Variants in CCBE1 observed in about 807,000 individuals in gnomAD.
The protein encoded by CCBE1 is collagen and calcium binding EGF domains 1, also known as collagen and calcium-binding EGF domain-containing protein 1.
In CCBE1, 37 loss-of-function variants were observed where a neutral mutation model predicts 50.0. That is an observed-to-expected ratio of 0.74 (90% CI 0.57 to 0.97). The LOEUF (loss-of-function observed/expected upper bound fraction) is 0.97. Ranked by LOEUF, CCBE1 falls within the 50% of genes least tolerant of loss-of-function variation. The pLI is 0.00. For missense variants in CCBE1, 538 were observed against 523.8 expected (o/e 1.03, Z -0.26); for synonymous variants, 234 against 203.7 (o/e 1.15, Z -1.27).
chr18:59,696,893 T>C (rs992342775), intron 1 of CCBE1, among the ~76,000 whole-genome samples, 184 bp from the exon 2 acceptor site: 7 of 151,820 alleles, frequency 4.6e-5, no homozygotes, highest in African/African-American at 1.2e-4. Context: ...CACGCGAGGG[T>C]CACGACGAAG....
intron 2 of CCBE1, among the ~76,000 whole-genome samples, chr18:59,649,471 G>A (rs1183770545): frequency 6.6e-6 from 1 of 152,180 alleles, no homozygotes; most frequent in African/African-American, 2.4e-5. Flanking sequence ...AATGATAGCA[G>A]CTCTTGTTAA....
At chr18:59,441,100 G>A (rs1217488556) in intron 7 of CCBE1, among the ~76,000 whole-genome samples, 1 of 152,224 alleles carries the variant, frequency 6.6e-6, no homozygotes, top group Non-Finnish European at 1.5e-5. Flanking sequence ...AGCTTCCCAT[G>A]GCAGTGGCCT....
At chr18:59,444,901 C>T (rs970509405) in intron 7 of CCBE1, among the ~76,000 whole-genome samples, 7 of 151,932 alleles carry the variant, frequency 4.6e-5, no homozygotes, top group Non-Finnish European at 8.8e-5. Flanking sequence ...TAATCAGGTG[C>T]TTTTTTGTTG....
chr18:59,448,692 C>G (rs903327878), intron 6 of CCBE1, among the ~76,000 whole-genome samples: 1 of 152,232 alleles, frequency 6.6e-6, no homozygotes, highest in African/African-American at 2.4e-5. Context: ...CCTTAATAAA[C>G]TCCCTTTCAT....
chr18:59,682,470 A>G (rs934532891), intron 2 of CCBE1, among the ~76,000 whole-genome samples: 1 of 152,234 alleles, frequency 6.6e-6, no homozygotes, highest in African/African-American at 2.4e-5. Context: ...CAAGTATATC[A>G]AGATTAAAAT....
intron 2 of CCBE1, among the ~76,000 whole-genome samples, chr18:59,628,115 G>A (rs1163179334): frequency 6.6e-6 from 1 of 152,158 alleles, no homozygotes; most frequent in Non-Finnish European, 1.5e-5. Context: ...TCGGGAGGCT[G>A]AGGTGGGAGA....
At chr18:59,623,030 G>C (rs1326089487) in intron 2 of CCBE1, among the ~76,000 whole-genome samples, 1 of 152,084 alleles carries the variant, frequency 6.6e-6, no homozygotes, top group Non-Finnish European at 1.5e-5. Flanking sequence ...GGGTAATAAT[G>C]ATGTGTCATT....
intron 7 of CCBE1, among the ~76,000 whole-genome samples, chr18:59,441,252 G>A (rs1910408063): frequency 6.6e-6 from 1 of 152,206 alleles, no homozygotes; most frequent in Non-Finnish European, 1.5e-5. Flanking sequence ...GCTCATGCCT[G>A]TAATCCCAGC....
At chr18:59,474,460 T>C (rs1404860409) in intron 3 of CCBE1, among the ~76,000 whole-genome samples, 1 of 152,230 alleles carries the variant, frequency 6.6e-6, no homozygotes. Flanking sequence ...TTGTCTAGAA[T>C]GCCCACAGAA....
intron 2 of CCBE1, among the ~76,000 whole-genome samples, chr18:59,576,356 G>A (rs890271061): frequency 3.3e-5 from 5 of 152,208 alleles, no homozygotes; most frequent in Non-Finnish European, 5.9e-5. Flanking sequence ...AGTGTTTTCC[G>A]AAATGGCTGT....
At chr18:59,589,960 G>T (rs557016108) in intron 2 of CCBE1, among the ~76,000 whole-genome samples, 1 of 152,142 alleles carries the variant, frequency 6.6e-6, no homozygotes, top group South Asian at 2.1e-4. Context: ...CTAAGAAAAA[G>T]CTTCTGACAA....
chr18:59,475,529 C>T (rs1446096531), intron 3 of CCBE1, among the ~76,000 whole-genome samples: 1 of 152,114 alleles, frequency 6.6e-6, no homozygotes, highest in Non-Finnish European at 1.5e-5. Context: ...TTTGTTTATT[C>T]TGTTTTTACC....
intron 5 of CCBE1, among the ~76,000 whole-genome samples, chr18:59,457,247 G>T (rs1911238710): frequency 6.6e-6 from 1 of 152,178 alleles, no homozygotes; most frequent in Admixed American, 6.5e-5. Context: ...CTGGAGGGAT[G>T]GTTTTGACTC....
intron 5 of CCBE1, chr18:59,464,939 G>A (rs1396773718): frequency 6.6e-6 from 1 of 152,468 alleles, no homozygotes; most frequent in Admixed American, 6.5e-5. Context: ...TCTCCCGACA[G>A]AGCTCCAGCC....
intron 9 of CCBE1, 108 bp from the exon 10 acceptor site, chr18:59,438,254 A>T (rs1021982470): frequency 5.0e-6 from 5 of 1,004,034 alleles, no homozygotes; most frequent in Non-Finnish European, 7.8e-6. Context: ...AACAATAAAC[A>T]TTTTCTATAG....
chr18:59,541,743 C>T (rs564424411), intron 2 of CCBE1, among the ~76,000 whole-genome samples: 2 of 152,062 alleles, frequency 1.3e-5, no homozygotes, highest in East Asian at 1.9e-4. Context: ...AAGGAAGACA[C>T]AAGATAACAC....
At chr18:59,597,471 C>A (rs144406157) in intron 2 of CCBE1, among the ~76,000 whole-genome samples, 170 of 152,282 alleles carry the variant, frequency 1.1e-3, no homozygotes, top group East Asian at 7.9e-3. Context: ...GAGAAATTCC[C>A]ATCTCCTTCC....
At chr18:59,457,518 G>A (rs1214089212) in intron 5 of CCBE1, among the ~76,000 whole-genome samples, 3 of 152,190 alleles carry the variant, frequency 2.0e-5, no homozygotes, top group African/African-American at 4.8e-5. Context: ...GGTAATGCAC[G>A]GAAAGCTCTC....
chr18:59,631,522 T>A (rs2053848410), intron 2 of CCBE1, among the ~76,000 whole-genome samples: 1 of 152,142 alleles, frequency 6.6e-6, no homozygotes, highest in African/African-American at 2.4e-5. Context: ...GGAATGAGCC[T>A]CTAATGCTAG....
Sources: allele counts gnomAD v4.1 joint callset (sites outside exome capture counted in the v4.1 genomes callset), GRCh38; gene constraint gnomAD v4.1.1; transcripts MANE v1.5; gene names NCBI Gene and HGNC (gene_info 2026-07-23, HGNC 2026-07-21).